Variants in TRMT9B observed in about 807,000 individuals in gnomAD.
TRMT9B encodes probable tRNA methyltransferase 9B.
A neutral mutation model predicts 11.5 loss-of-function variants in TRMT9B; 16 were observed. The observed-to-expected ratio is 1.39, with a 90% CI of 0.94 to 2.11. The LOEUF (loss-of-function observed/expected upper bound fraction) is 2.11. TRMT9B is among the 30% of genes most tolerant of loss of function. The pLI is 0.00. For synonymous variants in TRMT9B, 274 were observed against 192.4 expected, an observed-to-expected ratio of 1.42 and a Z score of -3.51; for missense variants, 941 against 553.8, an observed-to-expected ratio of 1.70 and a Z score of -7.02.
chr8:13,006,730 G>T, intron 3 of TRMT9B: 1 of 1,030,054 alleles, frequency 9.7e-7, no homozygotes, highest in Non-Finnish European at 1.2e-6. Flanking sequence ...GTGCAGTGGT[G>T]CAATCTCAGC....
intron 3 of TRMT9B, chr8:13,012,194 AG>A: frequency 1.0e-6 from 1 of 985,304 alleles, no homozygotes; most frequent in Non-Finnish European, 1.2e-6. Context: ...CTTCTATATG[AG>A]AATCTGTAAG....
intron 1 of TRMT9B, among the ~76,000 whole-genome samples, chr8:12,950,571 G>A (rs889179412): frequency 2.8e-5 from 3 of 105,470 alleles, no homozygotes; most frequent in Non-Finnish European, 4.8e-5. Context: ...CTTTTTGAAT[G>A]TGAGGCCTTT....
At chr8:12,967,396 T>C (rs1421704101) in intron 1 of TRMT9B, among the ~76,000 whole-genome samples, 1 of 152,146 alleles carries the variant, frequency 6.6e-6, no homozygotes, top group African/African-American at 2.4e-5. Context: ...ATCCTATAGC[T>C]CCCCTACAAA....
At chr8:12,949,743 C>T (rs180727836) in intron 1 of TRMT9B, among the ~76,000 whole-genome samples, 29 of 152,304 alleles carry the variant, frequency 1.9e-4, no homozygotes, top group Non-Finnish European at 3.1e-4. Context: ...AAGCTTCTAT[C>T]AACATTTTCA....
intron 1 of TRMT9B, among the ~76,000 whole-genome samples, chr8:12,983,398 A>T (rs1805731623): frequency 6.6e-6 from 1 of 152,168 alleles, no homozygotes; most frequent in Non-Finnish European, 1.5e-5. Context: ...GGCTGGGTAC[A>T]GTGGCTCATG....
At chr8:13,004,343 A>G (rs1199404836) in intron 2 of TRMT9B, among the ~76,000 whole-genome samples, 2 of 151,720 alleles carry the variant, frequency 1.3e-5, no homozygotes, top group Non-Finnish European at 2.9e-5. Flanking sequence ...TAGGGCTGCT[A>G]AGGGAGTGCT....
At chr8:13,008,910 A>G (rs1248897016) in intron 3 of TRMT9B, among the ~76,000 whole-genome samples, 1 of 152,066 alleles carries the variant, frequency 6.6e-6, no homozygotes, top group Non-Finnish European at 1.5e-5. Flanking sequence ...TTGTATTTTT[A>G]GTAGAGACGG....
In TRMT9B at chr8:13,006,191, G is replaced by A. The variant is rs35757493; in HGVS notation, c.-1-11G>A. 3 of 1,613,286 alleles carry A rather than the reference G, an allele frequency of 1.9e-6. No individual in the cohort carries two copies. In the African/African-American group the frequency reaches 4.0e-5, roughly 22 times the overall value. On this transcript the variant is annotated splice_polypyrimidine_tract_variant and intron_variant, in intron 2 of 4. Transcript: ENST00000524591. The stretch of plus-strand genomic sequence containing the variant: ...GACCTGCATGCCTTGGGTTGGTCCT[G>A]TTTTCTCCAGGATGGATCATGAAGC...
At chr8:12,989,194 C>T (rs141628764) in intron 1 of TRMT9B, among the ~76,000 whole-genome samples, 123 of 152,126 alleles carry the variant, frequency 8.1e-4, no homozygotes, top group African/African-American at 2.7e-3. Flanking sequence ...ACAGACCTTG[C>T]CCTAGAAGAT....
chr8:13,020,882 T>G, intron 4 of TRMT9B, 126 bp from the exon 5 acceptor site: 1 of 592,100 alleles, frequency 1.7e-6, no homozygotes, highest in Non-Finnish European at 2.8e-6. Flanking sequence ...ATCGTTGCCA[T>G]GGAGGAAATA....
chr8:13,015,642 C>T lies in TRMT9B; in HGVS notation c.328+2785C>T, dbSNP rs138724915. On this transcript the variant is annotated intron_variant, in intron 4 of 4. Transcript: ENST00000524591. ...GTGTTGTGATTACAGGCATGAACTA[C>T]CACGCCCAGGCTAAATTCCTTGTAG... Among the ~76,000 whole-genome samples the T allele has an allele frequency of 5.7e-4, 87 of 152,278 alleles. 2 individuals carry two copies. The highest frequency in any genetic ancestry group is 1.9e-3 in the African/African-American group (77 of 41,558).
At chr8:12,957,635 T>G (rs1206603839) in intron 1 of TRMT9B, among the ~76,000 whole-genome samples, 1 of 152,176 alleles carries the variant, frequency 6.6e-6, no homozygotes, top group Non-Finnish European at 1.5e-5. Context: ...TTGCCCTGAA[T>G]ACAGAAGCAT....
chr8:12,955,375 C>T (rs916560658), intron 1 of TRMT9B, among the ~76,000 whole-genome samples: 1 of 152,058 alleles, frequency 6.6e-6, no homozygotes, highest in Non-Finnish European at 1.5e-5. Context: ...GTGTATGGTC[C>T]TCTTCACACA....
At chr8:12,983,072 G>C (rs28874571) in intron 1 of TRMT9B, among the ~76,000 whole-genome samples, 3,722 of 152,260 alleles carry the variant, frequency 0.024, 160 homozygotes, top group African/African-American at 0.085. Context: ...CTTATTTCCT[G>C]CTCTGTGGTG....
intron 1 of TRMT9B, among the ~76,000 whole-genome samples, chr8:12,975,827 C>T (rs1050122779): frequency 6.6e-6 from 1 of 152,128 alleles, no homozygotes; most frequent in Admixed American, 6.6e-5. Context: ...GATAATCCAC[C>T]ACCACCATAT....
intron 3 of TRMT9B, among the ~76,000 whole-genome samples, chr8:13,009,368 C>A (rs539904930): frequency 1.3e-5 from 2 of 152,078 alleles, no homozygotes; most frequent in South Asian, 4.2e-4. Context: ...CAACAAGTCA[C>A]AAGAAAAATA....
At chr8:13,007,117 A>T (rs1453272661) in intron 3 of TRMT9B, 1 of 152,276 alleles carries the variant, frequency 6.6e-6, no homozygotes, top group African/African-American at 2.4e-5. Flanking sequence ...CATTTGCCAA[A>T]TGTGTTCTCC....
At chr8:13,015,163 T>C (rs1812399511) in intron 4 of TRMT9B, among the ~76,000 whole-genome samples, 1 of 152,046 alleles carries the variant, frequency 6.6e-6, no homozygotes, top group Non-Finnish European at 1.5e-5. Context: ...CATTTTATTT[T>C]TTATTTTTTT....
intron 1 of TRMT9B, chr8:12,951,514 C>A (rs1364122374): frequency 2.6e-5 from 4 of 152,316 alleles, no homozygotes; most frequent in African/African-American, 9.6e-5. Flanking sequence ...CCGTCCCCGG[C>A]GGGGCGGGCG....
Sources: allele counts gnomAD v4.1 joint callset (sites outside exome capture counted in the v4.1 genomes callset), GRCh38; gene constraint gnomAD v4.1.1; transcripts MANE v1.5; gene names NCBI Gene and HGNC (gene_info 2026-07-23, HGNC 2026-07-21).